The following ASAP1 variants were observed in gnomAD, a reference collection of about 807,000 sequenced individuals.
ASAP1 encodes the protein arf-GAP with SH3 domain, ANK repeat and PH domain-containing protein 1.
Under a neutral mutation model 145.2 loss-of-function variants are expected in ASAP1, and 43 were observed. That is an observed-to-expected ratio of 0.30 (90% CI 0.23 to 0.38). ASAP1 has a LOEUF of 0.38. ASAP1 is among the 10% of genes least tolerant of loss of function. ASAP1 has a pLI of 1.00. For synonymous variants in ASAP1, 546 were observed against 515.5 expected (o/e 1.06, Z -0.80); for missense variants, 1,018 against 1,355.3 (o/e 0.75, Z 3.91).
intron 13 of ASAP1, 130 bp from the exon 14 acceptor site, chr8:130,137,168 G>C (rs79205769): frequency 0.12 from 94,145 of 753,648 alleles, 7,220 homozygotes; most frequent in South Asian, 0.27. Flanking sequence ...TTTCAGCAAA[G>C]AAGAAACAGA....
In ASAP1 at chr8:130,353,979, C is replaced by T. The variant is rs182382737; in HGVS notation, c.186+4038G>A. Among the ~76,000 whole-genome samples, 758 of 152,130 alleles carry T rather than the reference C, an allele frequency of 5.0e-3. 12 individuals are homozygous for T. Among genetic ancestry groups the T allele is most frequent in the African/African-American group, 0.018 (732 of 41,512 alleles). ...CTGGCTCACTGCAAGCTCCGTCTCC[C>T]GGGTTCATGCCATTCTCCTGCCTCA... On this transcript the variant is annotated intron_variant, in intron 3 of 29. Transcript: ENST00000518721.
chr8:130,056,398 G>A (rs1038949284), intron 29 of ASAP1, among the ~76,000 whole-genome samples: 1 of 152,208 alleles, frequency 6.6e-6, no homozygotes, highest in Non-Finnish European at 1.5e-5. Context: ...TCTCAACCAT[G>A]GTGCTACTGG....
rs1461828085 is a variant in ASAP1 at position 130,372,530 on chromosome 8, A to G, written c.60-14387T>C. ...ATCTATACCCCAACAGCAGGTTGAT[A>G]CAGTACTGTTTGGTAAAGAGTGGCT... On this transcript the variant is annotated intron_variant, in intron 2 of 29. Coordinates refer to ENST00000518721, the MANE Select transcript of ASAP1 (RefSeq NM_018482.4). Among the ~76,000 whole-genome samples the G allele has an allele frequency of 3.3e-5, 5 of 152,226 alleles. No individual in the cohort carries two copies. In the East Asian group the frequency reaches 9.6e-4, roughly 29 times the overall value.
chr8:130,082,906 C>A (rs891673605), intron 25 of ASAP1: 1 of 151,980 alleles, frequency 6.6e-6, no homozygotes, highest in African/African-American at 2.4e-5. Context: ...GTCTTCAGGG[C>A]TAGATATCAA....
intron 9 of ASAP1, among the ~76,000 whole-genome samples, chr8:130,174,945 G>A (rs1393631969): frequency 2.0e-5 from 3 of 152,102 alleles, no homozygotes; most frequent in Non-Finnish European, 4.4e-5. Flanking sequence ...TGTAAATAAC[G>A]CTGTTATAAA....
intron 7 of ASAP1, among the ~76,000 whole-genome samples, chr8:130,184,443 CTG>C (rs1369482325): frequency 6.6e-6 from 1 of 152,188 alleles, no homozygotes; most frequent in Non-Finnish European, 1.5e-5. Flanking sequence ...CAGAAGGCCA[CTG>C]TGTTTCCATT....
chr8:130,180,893 C>T lies in ASAP1; in HGVS notation c.531-13G>A. On this transcript the variant is annotated splice_polypyrimidine_tract_variant and intron_variant, in intron 7 of 29. Transcript: ENST00000518721. ...CTCAATTTTTGTACTGTAATTAAAG[C>T]CAATGTCATTATTTAAAAAAAAAAA... 1 of 1,562,526 alleles carries T rather than the reference C, an allele frequency of 6.4e-7. No homozygotes were observed. Among genetic ancestry groups the T allele is most frequent in the South Asian group, 1.2e-5 (1 of 85,054 alleles).
At chr8:130,279,293 A>G (rs1821113317) in intron 3 of ASAP1, among the ~76,000 whole-genome samples, 1 of 152,116 alleles carries the variant, frequency 6.6e-6, no homozygotes, top group Non-Finnish European at 1.5e-5. Context: ...ACCCAGCACT[A>G]GGGGTTCTGA....
At chr8:130,304,056 T>G (rs1281246970) in intron 3 of ASAP1, among the ~76,000 whole-genome samples, 1 of 152,092 alleles carries the variant, frequency 6.6e-6, no homozygotes, top group Non-Finnish European at 1.5e-5. Context: ...GGTAGCAAAA[T>G]GAGACGGTAC....
chr8:130,430,712 T>C (rs1178474170), intron 1 of ASAP1, among the ~76,000 whole-genome samples: 1 of 151,984 alleles, frequency 6.6e-6, no homozygotes, highest in African/African-American at 2.4e-5. Flanking sequence ...AACTGTGGGA[T>C]GGACAGAAGG....
intron 13 of ASAP1, among the ~76,000 whole-genome samples, chr8:130,139,167 ACT>A (rs1455628756): frequency 6.6e-6 from 1 of 152,110 alleles, no homozygotes; most frequent in African/African-American, 2.4e-5. Flanking sequence ...GAAAATGGAA[ACT>A]CTGAAGATGA....
At chr8:130,070,135 C>G (rs1237985518) in intron 27 of ASAP1, among the ~76,000 whole-genome samples, 1 of 150,538 alleles carries the variant, frequency 6.6e-6, no homozygotes, top group Non-Finnish European at 1.5e-5. Context: ...CTCCCGGGTT[C>G]ACGCCATTCT....
chr8:130,060,146 T>C (rs533356860), intron 28 of ASAP1, among the ~76,000 whole-genome samples: 4 of 145,524 alleles, frequency 2.7e-5, no homozygotes, highest in East Asian at 4.0e-4. Flanking sequence ...GAGAGGGAAA[T>C]TGGTTTCTCG....
At chr8:130,397,077 C>A (rs141413325) in intron 2 of ASAP1, among the ~76,000 whole-genome samples, 190 of 152,258 alleles carry the variant, frequency 1.2e-3, no homozygotes, top group Non-Finnish European at 1.8e-3. Context: ...CCAGGGATGA[C>A]AACCGCATTG....
chr8:130,078,024 C>T (rs2097468015), intron 26 of ASAP1, among the ~76,000 whole-genome samples: 1 of 150,436 alleles, frequency 6.6e-6, no homozygotes, highest in Non-Finnish European at 1.5e-5. Flanking sequence ...CGAAGTCTCG[C>T]TGTCACCTAG....
At chr8:130,083,621 G>A (rs1378057999) in intron 25 of ASAP1, 2 of 152,196 alleles carry the variant, frequency 1.3e-5, no homozygotes, top group East Asian at 3.9e-4. Flanking sequence ...AGTATTAAAG[G>A]AAATAAACTA....
At chr8:130,299,812 T>C (rs1372373768) in intron 3 of ASAP1, among the ~76,000 whole-genome samples, 1 of 152,062 alleles carries the variant, frequency 6.6e-6, no homozygotes, top group Non-Finnish European at 1.5e-5. Context: ...AAAATATATT[T>C]TAAAACATTA....
chr8:130,205,948 T>C (rs996165244), intron 5 of ASAP1, among the ~76,000 whole-genome samples: 1 of 152,210 alleles, frequency 6.6e-6, no homozygotes. Context: ...TATCTCTGTG[T>C]ACAAATCCAT....
chr8:130,428,325 C>T (rs955899510), intron 1 of ASAP1, among the ~76,000 whole-genome samples: 5 of 141,946 alleles, frequency 3.5e-5, no homozygotes, highest in Non-Finnish European at 7.7e-5. Context: ...TGCCAGTGCT[C>T]GCTAAATTAA....
Sources: gnomAD v4.1 joint callset for allele counts (sites outside exome capture counted in the v4.1 genomes callset) on GRCh38, gnomAD v4.1.1 for gene constraint, MANE v1.5 for transcripts, NCBI Gene and HGNC (gene_info 2026-07-23, HGNC 2026-07-21) for gene names.